Variants in PRKG1 observed in about 807,000 individuals in gnomAD.
PRKG1 encodes cGMP-dependent protein kinase 1.
A neutral mutation model predicts 88.1 loss-of-function variants in PRKG1; 35 were observed. The observed-to-expected ratio is 0.40, with a 90% CI of 0.30 to 0.53. PRKG1 has a LOEUF of 0.53. Ranked by LOEUF, PRKG1 falls within the 20% of genes least tolerant of loss-of-function variation. The pLI, the probability that PRKG1 is intolerant of heterozygous loss-of-function variation, is 0.59. For synonymous variants in PRKG1, 303 were observed against 292.5 expected (o/e 1.04, Z -0.37); for missense variants, 540 against 839.8 (o/e 0.64, Z 4.41).
At chr10:51,798,079 A>G (rs1839064529) in intron 3 of PRKG1, among the ~76,000 whole-genome samples, 1 of 152,034 alleles carries the variant, frequency 6.6e-6, no homozygotes, top group Admixed American at 6.6e-5. Context: ...TTTAACCTTC[A>G]GCTATTGTAA....
chr10:51,328,003 A>G (rs559471795), intron 2 of PRKG1, among the ~76,000 whole-genome samples: 2 of 152,270 alleles, frequency 1.3e-5, no homozygotes, highest in African/African-American at 2.4e-5. Context: ...ATCTATTAGC[A>G]TTTTTCAAGA....
chr10:52,030,875 T>C (rs1845458849), intron 5 of PRKG1, among the ~76,000 whole-genome samples: 1 of 152,164 alleles, frequency 6.6e-6, no homozygotes, highest in Admixed American at 6.5e-5. Context: ...CTATGGAAAT[T>C]TTGCTTGTGA....
intron 3 of PRKG1, among the ~76,000 whole-genome samples, chr10:51,724,168 G>A (rs1842077313): frequency 6.6e-6 from 1 of 152,170 alleles, no homozygotes; most frequent in African/African-American, 2.4e-5. Flanking sequence ...AAATTATTCA[G>A]TTGTGTACAC....
At chr10:51,355,813 C>T (rs1204073046) in intron 2 of PRKG1, among the ~76,000 whole-genome samples, 1 of 151,988 alleles carries the variant, frequency 6.6e-6, no homozygotes, top group Non-Finnish European at 1.5e-5. Context: ...TGAATGTTGT[C>T]TTTGCAAATA....
Position 52,188,987 on chromosome 10 carries a change from C to G in PRKG1, c.1076+27024C>G, listed in dbSNP as rs11001110. ...TCTCTCCTCTTTAGAAACTTAAAATCTAATAAGAAATATGGCATTTATATT... is the reference window on the plus strand; with the variant it reads ...TCTCTCCTCTTTAGAAACTTAAAATGTAATAAGAAATATGGCATTTATATT... On this transcript the variant is annotated intron_variant, in intron 9 of 17. Transcript: ENST00000373980. 2.0e-3 allele frequency among the ~76,000 whole-genome samples: 308 copies of G among 152,140 alleles called. 4 individuals carry two copies. The East Asian group carries it at 0.057, about 28-fold the overall frequency.
intron 3 of PRKG1, among the ~76,000 whole-genome samples, chr10:51,580,612 C>T (rs2132185344): frequency 6.6e-6 from 1 of 152,216 alleles, no homozygotes; most frequent in African/African-American, 2.4e-5. Context: ...CACTTACCTA[C>T]ATTAGCTTAA....
At chr10:51,734,877 CAT>C (rs76838019) in intron 3 of PRKG1, among the ~76,000 whole-genome samples, 54,208 of 151,888 alleles carry the variant, frequency 0.36, 10,508 homozygotes, top group Middle Eastern at 0.53. Context: ...GCCATGGAAA[CAT>C]ATAGGCTCAT....
chr10:51,392,750 C>G (rs28642188), intron 2 of PRKG1, among the ~76,000 whole-genome samples: 2 of 141,538 alleles, frequency 1.4e-5, no homozygotes, highest in Non-Finnish European at 3.2e-5. Flanking sequence ...GGCGGCTGGC[C>G]GGGCGGGGGG....
At chr10:52,104,460 A>T (rs1847368480) in intron 7 of PRKG1, among the ~76,000 whole-genome samples, 4 of 152,056 alleles carry the variant, frequency 2.6e-5, no homozygotes, top group African/African-American at 9.7e-5. Context: ...ATCTGGTGAA[A>T]TGACAGTTAT....
intron 3 of PRKG1, among the ~76,000 whole-genome samples, chr10:51,549,120 C>CTTTTTTTTTCTTTTTT (rs1842515642): frequency 2.8e-5 from 2 of 70,326 alleles, no homozygotes; most frequent in Non-Finnish European, 5.1e-5. Context: ...CTTTTCTTTT[C>CTTTTTTTTTCTTTTTT]TTTTTTTTTT....
intron 10 of PRKG1, among the ~76,000 whole-genome samples, chr10:52,267,755 G>A (rs959087843): frequency 6.6e-6 from 1 of 151,836 alleles, no homozygotes; most frequent in African/African-American, 2.4e-5. Flanking sequence ...ATATGTCTTG[G>A]TTATTTTTCC....
chr10:52,153,795 G>A (rs1274139646), intron 8 of PRKG1, among the ~76,000 whole-genome samples: 1 of 152,112 alleles, frequency 6.6e-6, no homozygotes, highest in Non-Finnish European at 1.5e-5. Context: ...GCCCAGGCTG[G>A]AGTGCAATGG....
chr10:51,828,623 G>A (rs1005851987), intron 4 of PRKG1, among the ~76,000 whole-genome samples: 3 of 152,100 alleles, frequency 2.0e-5, no homozygotes, highest in Non-Finnish European at 4.4e-5. Context: ...TCTTTGATGT[G>A]TTCTTGCCAA....
At chr10:51,537,557 C>T (rs1353893246) in intron 3 of PRKG1, among the ~76,000 whole-genome samples, 1 of 151,882 alleles carries the variant, frequency 6.6e-6, no homozygotes, top group African/African-American at 2.4e-5. Flanking sequence ...TGGTGAAACC[C>T]GTCTCTGCTA....
chr10:51,614,122 C>G (rs1838983586), intron 3 of PRKG1, among the ~76,000 whole-genome samples: 1 of 151,546 alleles, frequency 6.6e-6, no homozygotes. Flanking sequence ...GTATTAGAGT[C>G]TCTTTCTTTA....
At chr10:51,283,137 A>G (rs996492212) in intron 2 of PRKG1, among the ~76,000 whole-genome samples, 4 of 152,130 alleles carry the variant, frequency 2.6e-5, no homozygotes, top group African/African-American at 9.7e-5. Context: ...AAAAGTTCCA[A>G]TTGCCAGAAC....
At chr10:51,954,524 AGTTT>A (rs1383537462) in intron 5 of PRKG1, among the ~76,000 whole-genome samples, 2 of 152,202 alleles carry the variant, frequency 1.3e-5, no homozygotes, top group African/African-American at 4.8e-5. Flanking sequence ...TGTTAGATTC[AGTTT>A]GTTTACCACA....
At chr10:51,499,643 G>A (rs1449335787) in intron 3 of PRKG1, among the ~76,000 whole-genome samples, 1 of 152,100 alleles carries the variant, frequency 6.6e-6, no homozygotes, top group Non-Finnish European at 1.5e-5. Context: ...TATTTTGGTA[G>A]TACACATCAC....
At chr10:51,688,757 A>C (rs1841059053) in intron 3 of PRKG1, among the ~76,000 whole-genome samples, 1 of 152,104 alleles carries the variant, frequency 6.6e-6, no homozygotes, top group East Asian at 1.9e-4. Flanking sequence ...CACAGAAATA[A>C]CTTTTTCACA....
Sources: allele counts gnomAD v4.1 joint callset (sites outside exome capture counted in the v4.1 genomes callset), GRCh38; gene constraint gnomAD v4.1.1; transcripts MANE v1.5; gene names NCBI Gene and HGNC (gene_info 2026-07-23, HGNC 2026-07-21).